The following ADGB variants were observed in gnomAD, a reference collection of about 807,000 sequenced individuals.
ADGB encodes the protein androglobin, also known as calpain-7-like protein.
Under a neutral mutation model 210.5 loss-of-function variants are expected in ADGB, and 172 were observed. The ratio of observed to expected loss-of-function variants is 0.82; its 90% CI spans 0.72 to 0.93. The LOEUF (loss-of-function observed/expected upper bound fraction) is 0.93, where lower values mean the gene tolerates loss of function less well. Among genes scored for constraint, ADGB ranks in the 40% least tolerant of loss-of-function variants. The probability of loss-of-function intolerance (pLI) is 0.00; values close to 1 mark genes in which losing one functional copy is unlikely to be tolerated. For missense variants in ADGB, 2,025 were observed against 1,964.8 expected, an observed-to-expected ratio of 1.03 and a Z score of -0.58; for synonymous variants, 658 against 662.7, an observed-to-expected ratio of 0.99 and a Z score of 0.11.
intron 23 of ADGB, among the ~76,000 whole-genome samples, chr6:146,740,113 T>G (rs1023411059): frequency 3.9e-5 from 6 of 152,240 alleles, no homozygotes; most frequent in African/African-American, 1.4e-4. Context: ...CCAGTTTTGT[T>G]GCTGGTTTGC....
intron 16 of ADGB, among the ~76,000 whole-genome samples, chr6:146,720,843 A>G (rs1776801942): frequency 6.6e-6 from 1 of 152,138 alleles, no homozygotes; most frequent in Non-Finnish European, 1.5e-5. Context: ...ATCACCTCCC[A>G]CCAGGCCCCT....
intron 12 of ADGB, among the ~76,000 whole-genome samples, chr6:146,698,659 G>GA (rs879664312): frequency 7.9e-5 from 12 of 151,992 alleles, no homozygotes; most frequent in African/African-American, 2.4e-4. Flanking sequence ...TTTATAACCA[G>GA]AAAAAAACAT....
At chr6:146,726,466 G>T (rs1776897145) in intron 19 of ADGB, among the ~76,000 whole-genome samples, 1 of 151,954 alleles carries the variant, frequency 6.6e-6, no homozygotes, top group Non-Finnish European at 1.5e-5. Flanking sequence ...CTTGTGATCT[G>T]CCCACCTCAG....
At chr6:146,708,247 A>G (rs1052367682) in intron 13 of ADGB, among the ~76,000 whole-genome samples, 6 of 152,108 alleles carry the variant, frequency 3.9e-5, no homozygotes, top group African/African-American at 1.4e-4. Context: ...GATGTAAGTG[A>G]TTTAAACATC....
chr6:146,648,260 C>T (rs1324572648), intron 3 of ADGB, among the ~76,000 whole-genome samples: 2 of 151,810 alleles, frequency 1.3e-5, no homozygotes, highest in Non-Finnish European at 2.9e-5. Context: ...CTATGTTGCC[C>T]AGGCTGGTCT....
At chr6:146,734,574 C>A (rs1294272805) in intron 22 of ADGB, among the ~76,000 whole-genome samples, 2 of 152,140 alleles carry the variant, frequency 1.3e-5, no homozygotes, top group Non-Finnish European at 2.9e-5. Context: ...TCAGATACAT[C>A]TATGTATATG....
chr6:146,721,971 A>G (rs549628897), intron 17 of ADGB, among the ~76,000 whole-genome samples: 50 of 151,956 alleles, frequency 3.3e-4, no homozygotes, highest in African/African-American at 1.2e-3. Context: ...CCCCACAGAC[A>G]CCAGGGATTA....
intron 6 of ADGB, 21 bp downstream of exon 6, chr6:146,664,361 T>A: frequency 2.6e-6 from 4 of 1,520,418 alleles, no homozygotes; most frequent in Non-Finnish European, 3.5e-6. Context: ...ACACTATCAC[T>A]CACATGAATA....
At chr6:146,625,129 T>A (rs556302234) in intron 1 of ADGB, among the ~76,000 whole-genome samples, 3 of 152,184 alleles carry the variant, frequency 2.0e-5, no homozygotes, top group Non-Finnish European at 4.4e-5. Context: ...TTATTGATTT[T>A]TGATTGGCTT....
Position 146,664,249 on chromosome 6 carries a change from G to A in ADGB, c.661G>A (p.Asp221Asn), listed in dbSNP as rs1265571984. 1 of 1,549,100 alleles carries A rather than the reference G, an allele frequency of 6.5e-7. No homozygotes were observed. The highest frequency in any genetic ancestry group is 8.7e-7 in the Non-Finnish European group (1 of 1,145,710). ...TIDDFLPFDE[D>N]NNLLLPATTY... Reference sequence around the variant, plus strand: ...TGATGACTTTTTGCCTTTTGATGAAGATAACAATCTATTGCTTCCAGCTAC... The same window carrying A: ...TGATGACTTTTTGCCTTTTGATGAAAATAACAATCTATTGCTTCCAGCTAC... Residue 221 changes from aspartate (D) to asparagine (N), a missense_variant, in exon 6 of 36, where the codon GAT becomes AAT. By Grantham distance (23) the Asp-to-Asn change is conservative (BLOSUM62 1). Coordinates refer to ENST00000397944, the MANE Select transcript of ADGB (RefSeq NM_024694.4).
At chr6:146,686,118 T>C (rs145683141) in intron 10 of ADGB, among the ~76,000 whole-genome samples, 2,084 of 152,118 alleles carry the variant, frequency 0.014, 53 homozygotes, top group African/African-American at 0.047. Context: ...AAAAGAAAGA[T>C]ACAGGATTTA....
At chr6:146,805,929 G>C (rs1778205823) in intron 35 of ADGB, among the ~76,000 whole-genome samples, 1 of 152,152 alleles carries the variant, frequency 6.6e-6, no homozygotes, top group South Asian at 2.1e-4. Context: ...ATTGTTCTCT[G>C]CTACAATAAA....
chr6:146,806,832 C>A (rs1778218994), intron 35 of ADGB, among the ~76,000 whole-genome samples: 1 of 152,144 alleles, frequency 6.6e-6, no homozygotes, highest in East Asian at 1.9e-4. Flanking sequence ...TAAGTGAAAT[C>A]AGTTGATCCA....
chr6:146,733,895 G>A lies in ADGB; in HGVS notation c.2659G>A (p.Glu887Lys). Reference protein sequence around the residue: ...NSSLEEVSLVEWLDVKYCMPT... With the variant: ...NSSLEEVSLVKWLDVKYCMPT... ...AAAGTTTGTTTTTCCCTTTCCAGTG[G>A]AATGGCTGGACGTTAAATATTGTAT... Residue 887 changes from glutamate (E) to lysine (K), a missense_variant and splice_region_variant, in exon 22 of 36, where the codon GAA becomes AAA. Physicochemically the swap from Glu to Lys is moderately conservative, Grantham distance 56 (BLOSUM62 1). Transcript: ENST00000397944. 2.6e-6 allele frequency: 4 copies of A among 1,551,442 alleles called. No individual in the cohort carries two copies. The Admixed American group carries it at 7.9e-5, about 30-fold the overall frequency.
intron 5 of ADGB, among the ~76,000 whole-genome samples, chr6:146,660,167 C>T (rs1021379714): frequency 6.6e-6 from 1 of 152,062 alleles, no homozygotes; most frequent in Admixed American, 6.6e-5. Context: ...CAGGGTAGAG[C>T]CTGCAATCCT....
intron 1 of ADGB, among the ~76,000 whole-genome samples, chr6:146,608,359 G>C (rs1164831515): frequency 6.6e-6 from 1 of 151,596 alleles, no homozygotes; most frequent in Non-Finnish European, 1.5e-5. Context: ...ATGGTTTTTT[G>C]TGTTTCCATT....
At chr6:146,602,377 G>A (rs1397343609) in intron 1 of ADGB, among the ~76,000 whole-genome samples, 1 of 152,130 alleles carries the variant, frequency 6.6e-6, no homozygotes, top group Non-Finnish European at 1.5e-5. Flanking sequence ...CATAATAAGT[G>A]AGGGGATTTT....
chr6:146,692,592 G>T (rs990970741), intron 11 of ADGB, among the ~76,000 whole-genome samples: 1 of 152,032 alleles, frequency 6.6e-6, no homozygotes, highest in African/African-American at 2.4e-5. Context: ...CTTGAGACTT[G>T]TTTCACATAA....
At chr6:146,783,912 A>G (rs1338539495) in intron 30 of ADGB, among the ~76,000 whole-genome samples, 1 of 152,192 alleles carries the variant, frequency 6.6e-6, no homozygotes, top group East Asian at 1.9e-4. Flanking sequence ...AATATGTAGC[A>G]AGTATATACA....
Sources: gnomAD v4.1 joint callset for allele counts (sites outside exome capture counted in the v4.1 genomes callset) on GRCh38, gnomAD v4.1.1 for gene constraint, MANE v1.5 for transcripts, NCBI Gene and HGNC (gene_info 2026-07-23, HGNC 2026-07-21) for gene names.